Variants in ADAMTS12 observed in about 807,000 individuals in gnomAD.
ADAMTS12 encodes the protein ADAM metallopeptidase with thrombospondin type 1 motif 12.
A neutral mutation model predicts 167.8 loss-of-function variants in ADAMTS12; 118 were observed. The ratio of observed to expected loss-of-function variants is 0.70; its 90% confidence interval spans 0.61 to 0.82. The LOEUF (loss-of-function observed/expected upper bound fraction) is 0.82, where lower values mean the gene tolerates loss of function less well. Among genes scored for constraint, ADAMTS12 ranks in the 40% least tolerant of loss-of-function variants. The pLI, the probability that ADAMTS12 is intolerant of heterozygous loss-of-function variation, is 0.00. For missense variants in ADAMTS12, 1,916 were observed against 1,998.8 expected, an observed-to-expected ratio of 0.96 and a Z score of 0.79; for synonymous variants, 704 against 716.9, an observed-to-expected ratio of 0.98 and a Z score of 0.29.
intron 19 of ADAMTS12, among the ~76,000 whole-genome samples, chr5:33,572,204 T>C (rs1425027576): frequency 6.6e-6 from 1 of 152,120 alleles, no homozygotes; most frequent in African/African-American, 2.4e-5. Flanking sequence ...TCTGAAACTA[T>C]TCCAATCAAT....
chr5:33,687,060 A>G (rs1731897156), intron 3 of ADAMTS12, among the ~76,000 whole-genome samples: 1 of 149,850 alleles, frequency 6.7e-6, no homozygotes, highest in Non-Finnish European at 1.5e-5. Flanking sequence ...GCATTTTGTT[A>G]TAGCAGCCTG....
intron 2 of ADAMTS12, among the ~76,000 whole-genome samples, chr5:33,799,022 A>G (rs1238019045): frequency 6.6e-6 from 1 of 152,068 alleles, no homozygotes; most frequent in Non-Finnish European, 1.5e-5. Context: ...CTCACCATCT[A>G]CTTGTGGACA....
intron 14 of ADAMTS12, among the ~76,000 whole-genome samples, chr5:33,617,623 C>T (rs1739093013): frequency 6.6e-6 from 1 of 152,134 alleles, no homozygotes; most frequent in Non-Finnish European, 1.5e-5. Context: ...GTAATCGAGG[C>T]TAATGGTTTT....
intron 2 of ADAMTS12, among the ~76,000 whole-genome samples, chr5:33,829,245 G>T (rs1005282801): frequency 3.3e-5 from 5 of 152,134 alleles, no homozygotes; most frequent in African/African-American, 1.2e-4. Context: ...GTAACATGAA[G>T]GAAGATGCTC....
At chr5:33,696,815 C>G (rs956356918) in intron 3 of ADAMTS12, among the ~76,000 whole-genome samples, 1 of 152,210 alleles carries the variant, frequency 6.6e-6, no homozygotes, top group Non-Finnish European at 1.5e-5. Flanking sequence ...CCAGTCTTGG[C>G]TTCACCTATG....
chr5:33,685,792 G>A (rs891103604), intron 3 of ADAMTS12, among the ~76,000 whole-genome samples: 1 of 152,214 alleles, frequency 6.6e-6, no homozygotes, highest in East Asian at 1.9e-4. Context: ...CTTTGCATGG[G>A]GAAGCATGAA....
chr5:33,577,739 GA>G (rs1402964421), intron 18 of ADAMTS12, among the ~76,000 whole-genome samples: 1 of 147,238 alleles, frequency 6.8e-6, no homozygotes, highest in Non-Finnish European at 1.5e-5. Context: ...ATAGATCCAA[GA>G]CCTACTCTAA....
intron 2 of ADAMTS12, among the ~76,000 whole-genome samples, chr5:33,758,012 TCA>T (rs1191867652): frequency 6.6e-6 from 1 of 152,276 alleles, no homozygotes; most frequent in East Asian, 1.9e-4. Flanking sequence ...AGCCTACGCC[TCA>T]GTTTCCTCAT....
chr5:33,819,966 A>G (rs191461076), intron 2 of ADAMTS12, among the ~76,000 whole-genome samples: 1 of 152,254 alleles, frequency 6.6e-6, no homozygotes, highest in East Asian at 1.9e-4. Flanking sequence ...TCTGGTAACA[A>G]TTGGTTTCTT....
At chr5:33,540,483 T>G (rs1744639869) in intron 22 of ADAMTS12, among the ~76,000 whole-genome samples, 1 of 152,252 alleles carries the variant, frequency 6.6e-6, no homozygotes, top group South Asian at 2.1e-4. Flanking sequence ...GTTTGAGCTC[T>G]GAGAATGGAC....
intron 14 of ADAMTS12, among the ~76,000 whole-genome samples, chr5:33,619,002 C>G (rs1399927274): frequency 6.6e-6 from 1 of 152,252 alleles, no homozygotes; most frequent in East Asian, 1.9e-4. Flanking sequence ...CCTTATGACC[C>G]TCTGGTCTAG....
At chr5:33,761,443 G>A (rs1021684330) in intron 2 of ADAMTS12, among the ~76,000 whole-genome samples, 2 of 152,250 alleles carry the variant, frequency 1.3e-5, no homozygotes, top group Non-Finnish European at 2.9e-5. Context: ...TGATGGCTTA[G>A]TGATGGACAT....
At chr5:33,886,728 T>C (rs552507353) in intron 1 of ADAMTS12, among the ~76,000 whole-genome samples, 2 of 152,062 alleles carry the variant, frequency 1.3e-5, no homozygotes, top group Admixed American at 6.5e-5. Context: ...TCTAATTGCA[T>C]AGGAGGCAGC....
chr5:33,598,677 T>C (rs1738034403), intron 16 of ADAMTS12, among the ~76,000 whole-genome samples: 1 of 152,236 alleles, frequency 6.6e-6, no homozygotes, highest in African/African-American at 2.4e-5. Context: ...AAATGGTTTG[T>C]TGAAACGATT....
chr5:33,670,462 C>T (rs1040747428), intron 5 of ADAMTS12, among the ~76,000 whole-genome samples: 5 of 152,146 alleles, frequency 3.3e-5, no homozygotes, highest in African/African-American at 4.8e-5. Flanking sequence ...ACATAGGTGG[C>T]CGGGCGCGGT....
intron 16 of ADAMTS12, among the ~76,000 whole-genome samples, chr5:33,609,729 C>T (rs1044947841): frequency 1.3e-5 from 2 of 152,144 alleles, no homozygotes; most frequent in African/African-American, 4.8e-5. Context: ...AGACTTGCAA[C>T]ATTTTTGGTT....
At chr5:33,681,739 G>A (rs1561211692) in intron 5 of ADAMTS12, among the ~76,000 whole-genome samples, 1 of 152,166 alleles carries the variant, frequency 6.6e-6, no homozygotes. Context: ...GGCATGAGAA[G>A]GCGCCAGTCA....
At chr5:33,571,588 T>A (rs1446418862) in intron 19 of ADAMTS12, among the ~76,000 whole-genome samples, 2 of 151,830 alleles carry the variant, frequency 1.3e-5, no homozygotes, top group South Asian at 4.2e-4. Context: ...CTGGGACACA[T>A]TTCAAAGCAG....
chr5:33,870,585 T>C (rs1441630242), intron 2 of ADAMTS12, among the ~76,000 whole-genome samples: 1 of 152,170 alleles, frequency 6.6e-6, no homozygotes, highest in Non-Finnish European at 1.5e-5. Context: ...ATGATAGTAT[T>C]TTGCAATGTG....
Sources: gnomAD v4.1 joint callset for allele counts (sites outside exome capture counted in the v4.1 genomes callset) on GRCh38, gnomAD v4.1.1 for gene constraint, MANE v1.5 for transcripts, NCBI Gene and HGNC (gene_info 2026-07-23, HGNC 2026-07-21) for gene names.